The following MALRD1 variants were observed in gnomAD, a reference collection of about 807,000 sequenced individuals.
MALRD1 encodes the protein MAM and LDL receptor class A domain containing 1.
Under a neutral mutation model 242.1 loss-of-function variants are expected in MALRD1, and 247 were observed. The ratio of observed to expected loss-of-function variants is 1.02; its 90% confidence interval spans 0.92 to 1.13. The LOEUF (loss-of-function observed/expected upper bound fraction) is 1.13. MALRD1 is among the 50% of genes most tolerant of loss of function. MALRD1 has a pLI of 0.00. For missense variants in MALRD1, 2,989 were observed against 2,533.1 expected (o/e 1.18, Z -3.86); for synonymous variants, 995 against 866.6 (o/e 1.15, Z -2.60).
At chr10:19,238,432 TAATATATAATATAC>T (rs1838536011) in intron 18 of MALRD1, among the ~76,000 whole-genome samples, 1 of 74,180 alleles carries the variant, frequency 1.3e-5, no homozygotes, top group African/African-American at 5.9e-5. Context: ...ACATTATATA[TAATATATAATATAC>T]ATTATATATA....
At chr10:19,476,763 T>C (rs1357043119) in intron 29 of MALRD1, among the ~76,000 whole-genome samples, 1 of 152,192 alleles carries the variant, frequency 6.6e-6, no homozygotes, top group African/African-American at 2.4e-5. Context: ...GCACTTATTT[T>C]ACAACACTCT....
chr10:19,211,901 A>G (rs1408510461), intron 18 of MALRD1, among the ~76,000 whole-genome samples: 1 of 152,126 alleles, frequency 6.6e-6, no homozygotes, highest in Non-Finnish European at 1.5e-5. Context: ...GTTTGCATAA[A>G]GAAAAATGCA....
At chr10:19,276,233 A>T (rs756438635) in intron 19 of MALRD1, among the ~76,000 whole-genome samples, 1 of 152,192 alleles carries the variant, frequency 6.6e-6, no homozygotes, top group African/African-American at 2.4e-5. Context: ...CACTTTCCAG[A>T]TGCCATTTTT....
Position 19,730,785 on chromosome 10 carries a change from A to G in MALRD1, c.6390+4A>G. 1 of 1,536,434 alleles carries G rather than the reference A, an allele frequency of 6.5e-7. No individual in the cohort carries two copies. On this transcript the variant is annotated splice_donor_region_variant and intron_variant, in intron 39 of 39. Transcript: ENST00000454679. ...GAGCAACCCAGAGAAAACAGAGGTA[A>G]GTGGCAAGGGTGAACTATATCTTTT...
At chr10:19,280,397 T>C (rs1025489360) in intron 20 of MALRD1, among the ~76,000 whole-genome samples, 174 bp downstream of exon 20, 2 of 152,194 alleles carry the variant, frequency 1.3e-5, no homozygotes, top group African/African-American at 4.8e-5. Context: ...TCAGAATGCA[T>C]TTTCTGCCAG....
At chr10:19,603,577 T>A (rs1322514379) in intron 34 of MALRD1, among the ~76,000 whole-genome samples, 1 of 152,208 alleles carries the variant, frequency 6.6e-6, no homozygotes, top group Non-Finnish European at 1.5e-5. Context: ...ACCAGTACTA[T>A]GCTGTTTTGG....
chr10:19,221,973 G>T (rs1182752416), intron 18 of MALRD1, among the ~76,000 whole-genome samples: 2 of 152,088 alleles, frequency 1.3e-5, no homozygotes, highest in Non-Finnish European at 2.9e-5. Context: ...TTGCAAGAAT[G>T]GGTAAGAAAA....
In MALRD1 at chr10:19,585,653, T is replaced by C. The variant is rs1326616315; in HGVS notation, c.5681-9541T>C. 4.6e-5 allele frequency among the ~76,000 whole-genome samples: 7 copies of C among 152,172 alleles called. No homozygotes were observed. In the East Asian group the frequency reaches 1.3e-3, roughly 29 times the overall value. On this transcript the variant is annotated intron_variant, in intron 33 of 39. Transcript: ENST00000454679. ...ACCCGACCTTTCTTTCTGGCTGCCC[T>C]TAACATTTTTTCCTTCATTTCAACT...
intron 32 of MALRD1, among the ~76,000 whole-genome samples, chr10:19,539,852 T>TTTTGTGTGTGTGTGTGTGTGTGTG (rs1554795755): frequency 6.2e-5 from 4 of 64,372 alleles, no homozygotes; most frequent in African/African-American, 1.0e-4. Flanking sequence ...ACACCCAGCT[T>TTTTGTGTGTGTGTGTGTGTGTGTG]TGTGCGTGTG....
At chr10:19,173,873 G>T (rs1835111684) in intron 13 of MALRD1, among the ~76,000 whole-genome samples, 1 of 152,128 alleles carries the variant, frequency 6.6e-6, no homozygotes, top group Non-Finnish European at 1.5e-5. Context: ...GGTAGTGAAT[G>T]TATCATACGA....
intron 18 of MALRD1, among the ~76,000 whole-genome samples, chr10:19,228,094 C>T (rs1837877468): frequency 6.6e-6 from 1 of 151,808 alleles, no homozygotes; most frequent in African/African-American, 2.4e-5. Context: ...CCAAGTAATT[C>T]CACTGCGACT....
At chr10:19,601,400 A>G (rs1447924102) in intron 34 of MALRD1, among the ~76,000 whole-genome samples, 1 of 152,002 alleles carries the variant, frequency 6.6e-6, no homozygotes, top group African/African-American at 2.4e-5. Context: ...ATTCAGTACA[A>G]TGTTATTTGC....
At chr10:19,130,239 A>G (rs927196398) in intron 8 of MALRD1, among the ~76,000 whole-genome samples, 1 of 152,068 alleles carries the variant, frequency 6.6e-6, no homozygotes, top group Non-Finnish European at 1.5e-5. Context: ...AATTTTACCA[A>G]AAAGGAAGAG....
chr10:19,711,243 A>C (rs1834098685), intron 38 of MALRD1: 1 of 152,176 alleles, frequency 6.6e-6, no homozygotes, highest in African/African-American at 2.4e-5. Context: ...TGGGTTTTCA[A>C]GCTCACTAAT....
chr10:19,660,033 C>T (rs1045492660), intron 36 of MALRD1, among the ~76,000 whole-genome samples: 1 of 152,146 alleles, frequency 6.6e-6, no homozygotes, highest in Non-Finnish European at 1.5e-5. Context: ...TCATATGCCC[C>T]AGTCAGTACC....
chr10:19,413,124 C>G (rs753730097), intron 28 of MALRD1, among the ~76,000 whole-genome samples: 1 of 152,098 alleles, frequency 6.6e-6, no homozygotes, highest in African/African-American at 2.4e-5. Context: ...ACCCAGTTCT[C>G]TTAAAAATAT....
At chr10:19,582,148 A>G (rs2131511217) in intron 33 of MALRD1, among the ~76,000 whole-genome samples, 1 of 152,166 alleles carries the variant, frequency 6.6e-6, no homozygotes, top group East Asian at 1.9e-4. Flanking sequence ...GTAGGTTGCA[A>G]AAATTTTCTC....
chr10:19,508,939 T>C (rs1201752794), intron 31 of MALRD1, among the ~76,000 whole-genome samples: 2 of 152,174 alleles, frequency 1.3e-5, no homozygotes, highest in African/African-American at 4.8e-5. Flanking sequence ...AGTCTTTTAC[T>C]TATAAATTTA....
At chr10:19,476,444 A>G (rs1339409895) in intron 29 of MALRD1, among the ~76,000 whole-genome samples, 1 of 152,014 alleles carries the variant, frequency 6.6e-6, no homozygotes, top group Non-Finnish European at 1.5e-5. Context: ...TGTCCAGCTA[A>G]GAAGACATGC....
Sources: gnomAD v4.1 joint callset for allele counts (sites outside exome capture counted in the v4.1 genomes callset) on GRCh38, gnomAD v4.1.1 for gene constraint, MANE v1.5 for transcripts, NCBI Gene and HGNC (gene_info 2026-07-23, HGNC 2026-07-21) for gene names.